Variants in TRANK1 observed in about 807,000 individuals in gnomAD.
TRANK1 encodes TPR and ankyrin repeat-containing protein 1.
A neutral mutation model predicts 266.0 loss-of-function variants in TRANK1; 198 were observed. The observed-to-expected ratio is 0.74, with a 90% CI of 0.66 to 0.84. The LOEUF is 0.84. Ranked by LOEUF, TRANK1 falls within the 40% of genes least tolerant of loss-of-function variation. The pLI, the probability that TRANK1 is intolerant of heterozygous loss-of-function variation, is 0.00. For missense variants in TRANK1, 3,326 were observed against 3,634.6 expected, an observed-to-expected ratio of 0.92 and a Z score of 2.18; for synonymous variants, 1,396 against 1,384.1, an observed-to-expected ratio of 1.01 and a Z score of -0.19.
chr3:36,863,459 C>T (rs2079171768), intron 10 of TRANK1, among the ~76,000 whole-genome samples: 2 of 152,170 alleles, frequency 1.3e-5, no homozygotes, highest in East Asian at 1.9e-4. Context: ...TACAAAATGG[C>T]CCCATCCTAG....
intron 1 of TRANK1, among the ~76,000 whole-genome samples, chr3:36,916,113 A>T (rs903497537): frequency 1.4e-4 from 22 of 152,244 alleles, no homozygotes; most frequent in African/African-American, 4.8e-4. Context: ...CACTAGCCAC[A>T]ACTGGCTACT....
chr3:36,842,728 AGT>A lies in TRANK1; in HGVS notation c.5192-20_5192-19del, dbSNP rs2078864109. Reference sequence around the variant, plus strand: ...ATCAAAGTCTAAAATGAGAAAGAAAAGTGTGTTTGCTTCTCTGGGCTTTCTTT... The same window carrying A: ...ATCAAAGTCTAAAATGAGAAAGAAAAGTGTTTGCTTCTCTGGGCTTTCTTT... On this transcript the variant is annotated intron_variant, in intron 17 of 23. Coordinates refer to ENST00000645898, the MANE Select transcript of TRANK1 (RefSeq NM_001329998.2). 6.2e-7 allele frequency: 1 copy of A among 1,608,864 alleles called. No individual in the cohort carries two copies. The highest frequency in any genetic ancestry group is 8.5e-7 in the Non-Finnish European group (1 of 1,176,398).
intron 17 of TRANK1, among the ~76,000 whole-genome samples, chr3:36,845,067 AC>A (rs2078897674): frequency 6.7e-6 from 1 of 149,900 alleles, no homozygotes; most frequent in Non-Finnish European, 1.5e-5. Flanking sequence ...TTAAAAAAAA[AC>A]CCTGCAAATA....
chr3:36,902,723 T>A (rs1292520549), intron 3 of TRANK1, among the ~76,000 whole-genome samples: 2 of 152,224 alleles, frequency 1.3e-5, no homozygotes, highest in African/African-American at 4.8e-5. Flanking sequence ...GCATTTGAAG[T>A]AAAGCTTTGC....
At chr3:36,850,727 T>A in intron 15 of TRANK1, 2 of 984,216 alleles carry the variant, frequency 2.0e-6, no homozygotes, top group Non-Finnish European at 2.4e-6. Context: ...AGCACCTATA[T>A]CAATATTGTA....
intron 1 of TRANK1, among the ~76,000 whole-genome samples, chr3:36,928,344 G>A (rs1007286418): frequency 7.9e-5 from 12 of 152,114 alleles, no homozygotes; most frequent in African/African-American, 2.4e-4. Context: ...TTGACTAGCT[G>A]TTGAGAATTT....
rs147942647 is a variant in TRANK1 at position 36,927,994 on chromosome 3, C to T, written c.23+16793G>A. Among the ~76,000 whole-genome samples, 530 of 152,282 alleles carry T rather than the reference C, an allele frequency of 3.5e-3. 4 individuals are homozygous for T. The highest frequency in any genetic ancestry group is 0.012 in the African/African-American group (502 of 41,534). ...TTCTCGTGGAATTACTTCTGTGGTG[C>T]ATTTTGATATAGAATGTGGGGTCAC... On this transcript the variant is annotated intron_variant, in intron 1 of 23. Transcript: ENST00000645898.
chr3:36,849,378 G>A (rs1310369721), intron 15 of TRANK1, among the ~76,000 whole-genome samples: 1 of 152,182 alleles, frequency 6.6e-6, no homozygotes, highest in Non-Finnish European at 1.5e-5. Flanking sequence ...AAGCTTTGGG[G>A]TAGCCATTCT....
intron 1 of TRANK1, among the ~76,000 whole-genome samples, chr3:36,924,234 G>A (rs912425498): frequency 2.6e-5 from 4 of 152,178 alleles, no homozygotes; most frequent in South Asian, 2.1e-4. Flanking sequence ...GCCGTCCAGC[G>A]TTAAGGCCCC....
intron 1 of TRANK1, among the ~76,000 whole-genome samples, chr3:36,919,007 A>T (rs1015334475): frequency 6.6e-6 from 1 of 152,240 alleles, no homozygotes; most frequent in African/African-American, 2.4e-5. Flanking sequence ...CCCATAAAAA[A>T]CTATATTATG....
rs60007212 is a variant in TRANK1 at position 36,873,857 on chromosome 3, GAA to G, written c.1078+267_1078+268del. Among the ~76,000 whole-genome samples, 26 of 139,246 alleles carry G rather than the reference GAA, an allele frequency of 1.9e-4. 1 individual carries two copies. The highest frequency in any genetic ancestry group is 1.2e-3 in the East Asian group (6 of 4,942). The allele number at this position is 139,246 out of a possible 152,430, so 91.4% of individuals were successfully genotyped here. Reference sequence around the variant, plus strand: ...CTTTTTTTGCTGTGTACATGCATGGGAAAAAAAAAAAATCACCCACACTGTCA... The same window carrying G: ...CTTTTTTTGCTGTGTACATGCATGGGAAAAAAAAAATCACCCACACTGTCA... On this transcript the variant is annotated intron_variant, in intron 9 of 23. Transcript: ENST00000645898.
Position 36,855,475 on chromosome 3 carries a change from T to G in TRANK1, c.4247A>C (p.Asn1416Thr). ...GAGCTTCGACAGCCTCCGGGATATG[T>G]TGTACAGAACATCCTCTTCATCAAA... ...GYFDEEDVLY[N>T]ISRRLSKLRV... Residue 1416 changes from asparagine to threonine, a missense_variant, in exon 13 of 24, where the codon AAC (asparagine) becomes ACC (threonine). By Grantham distance (65) the Asn-to-Thr change is moderately conservative. Coordinates refer to ENST00000645898, the MANE Select transcript of TRANK1 (RefSeq NM_001329998.2). 1 of 1,613,928 alleles carries G rather than the reference T, an allele frequency of 6.2e-7. No homozygotes were observed. Among genetic ancestry groups the G allele is most frequent in the Non-Finnish European group, 8.5e-7 (1 of 1,179,884 alleles).
Position 36,857,717 on chromosome 3 carries a change from T to C in TRANK1, c.2005A>G (p.Lys669Glu), listed in dbSNP as rs201590671. The change falls in exon 13 of 24, where the codon AAG (lysine) becomes GAG (glutamate). Residue 669 changes from lysine to glutamate, a missense_variant. Transcript: ENST00000645898. The surrounding 1 kb of genome is among the most constrained non-coding windows in gnomAD (Gnocchi z 4.3). ...DSAAHLGKLS[K>E]STAPGHTSQL... ...GATGTGTGACCAGGGGCAGTGGACT[T>C]TGAGAGCTTCCCCAGGTGGGCAGCA... is the stretch of plus-strand genomic sequence containing the variant. The C allele has an allele frequency of 6.2e-7, 1 of 1,613,958 alleles. No homozygotes were observed. Among genetic ancestry groups the C allele is most frequent in the Non-Finnish European group, 8.5e-7 (1 of 1,179,874 alleles).
At chr3:36,867,056 C>T (rs2079237849) in intron 9 of TRANK1, among the ~76,000 whole-genome samples, 1 of 152,188 alleles carries the variant, frequency 6.6e-6, no homozygotes, top group Non-Finnish European at 1.5e-5. Flanking sequence ...GAAAGACCCA[C>T]ATCACCCTGG....
Position 36,851,994 on chromosome 3 carries a change from GA to G in TRANK1, c.4750-139del. The G allele has an allele frequency of 3.6e-6, 5 of 1,384,608 alleles. No homozygotes were observed. In the South Asian group the frequency reaches 7.7e-5, roughly 21 times the overall value. 85.8% of individuals were successfully genotyped at this position (1,384,608 alleles called of 1,614,324 possible). ...GGTCAGGCAGGCCAGGGGAAAGATT[GA>G]AACACTTGGTCACTCAGCCATCTCT... On this transcript the variant is annotated intron_variant, in intron 14 of 23. Coordinates refer to ENST00000645898, the MANE Select transcript of TRANK1 (RefSeq NM_001329998.2).
chr3:36,883,396 G>C (rs1029577083), intron 8 of TRANK1, among the ~76,000 whole-genome samples: 1 of 148,752 alleles, frequency 6.7e-6, no homozygotes, highest in African/African-American at 2.5e-5. Flanking sequence ...AGTGAGCCAA[G>C]ACTGCACCAC....
intron 17 of TRANK1, among the ~76,000 whole-genome samples, chr3:36,845,869 A>G (rs2078907197): frequency 6.6e-6 from 1 of 152,236 alleles, no homozygotes; most frequent in South Asian, 2.1e-4. Flanking sequence ...CAAATATCTC[A>G]GATATATCCC....
At chr3:36,829,878 A>G (rs1412759402) in intron 22 of TRANK1, among the ~76,000 whole-genome samples, 2 of 152,224 alleles carry the variant, frequency 1.3e-5, no homozygotes, top group African/African-American at 4.8e-5. Flanking sequence ...CTGTCTGTCT[A>G]TAGAGACTGC....
chr3:36,922,459 G>T (rs1257124631), intron 1 of TRANK1, among the ~76,000 whole-genome samples: 1 of 152,170 alleles, frequency 6.6e-6, no homozygotes. Flanking sequence ...ACAAAAATTA[G>T]CCGGGTGTGG....
Sources: gnomAD v4.1 joint callset for allele counts (sites outside exome capture counted in the v4.1 genomes callset) on GRCh38, gnomAD v4.1.1 for gene constraint, Gnocchi (gnomAD v3.1) non-coding constraint, MANE v1.5 for transcripts, NCBI Gene and HGNC (gene_info 2026-07-23, HGNC 2026-07-21) for gene names.